NLRC5: variants seen among roughly 807,000 people sequenced by gnomAD.
NLRC5 encodes protein NLRC5.
In NLRC5, 114 loss-of-function variants were observed where a neutral mutation model predicts 206.9. The observed-to-expected ratio is 0.55, with a 90% CI of 0.47 to 0.64. NLRC5 has a LOEUF of 0.64. Among genes scored for constraint, NLRC5 ranks in the 30% least tolerant of loss-of-function variants. The probability of loss-of-function intolerance (pLI) is 0.00; values close to 1 mark genes in which losing one functional copy is unlikely to be tolerated. For synonymous variants in NLRC5, 952 were observed against 962.8 expected (o/e 0.99, Z 0.21); for missense variants, 2,008 against 2,305.5 (o/e 0.87, Z 2.64).
At chr16:57,009,806 G>T (rs886771155) in intron 1 of NLRC5, among the ~76,000 whole-genome samples, 6 of 152,280 alleles carry the variant, frequency 3.9e-5, no homozygotes, top group Admixed American at 1.3e-4. Flanking sequence ...TGCTGGGCAG[G>T]AAGTTGGCTT....
chr16:57,082,715 G>A lies in NLRC5; in HGVS notation c.*187G>A, dbSNP rs142079492. ...AACTTTTTTGGGAACCAGGAGCTGG[G>A]TCTGGACAAAGGAGTACCCTGCATT... On this transcript the variant is annotated 3_prime_UTR_variant, in exon 49 of 49. Coordinates refer to ENST00000688547, the MANE Select transcript of NLRC5 (RefSeq NM_001384950.1). The A allele has an allele frequency of 3.3e-4, 185 of 561,802 alleles. 1 individual carries two copies. The East Asian group carries it at 5.1e-3, about 16-fold the overall frequency. 34.8% of individuals were successfully genotyped at this position (561,802 alleles called of 1,614,324 possible). A position where few individuals can be genotyped will look rare whatever the true frequency, so the allele number is the denominator to read the frequency against.
At position 57,030,099 on chromosome 16, in the gene NLRC5, AG is replaced by A; in HGVS notation, c.2417+18del. 6.2e-7 allele frequency: 1 copy of A among 1,609,608 alleles called. No homozygotes were observed. The highest frequency in any genetic ancestry group is 2.2e-5 in the East Asian group (1 of 44,846). ...CTTCAGGCCAGGTGAGCAGAAGGAA[AG>A]GGATCTTGGCCTTATGGGCCTTGAG... On this transcript the variant is annotated intron_variant, in intron 10 of 48. Transcript: ENST00000688547.
intron 15 of NLRC5, among the ~76,000 whole-genome samples, chr16:57,038,092 G>A (rs4783968): frequency 0.61 from 92,376 of 151,836 alleles, 28,916 homozygotes; most frequent in Non-Finnish European, 0.69. Context: ...GTTCACCTCA[G>A]TATTGGTTAT....
intron 12 of NLRC5, 97 bp downstream of exon 12, chr16:57,033,766 C>A: frequency 8.6e-7 from 1 of 1,168,548 alleles, no homozygotes; most frequent in Non-Finnish European, 1.3e-6. Flanking sequence ...AAGGGAAAAG[C>A]AGATGAGGGA....
chr16:57,019,692 A>G (rs1471979116), intron 2 of NLRC5, among the ~76,000 whole-genome samples: 3 of 152,208 alleles, frequency 2.0e-5, no homozygotes, highest in Non-Finnish European at 4.4e-5. Context: ...GGAAGGAGCA[A>G]AGAAGAATAG....
chr16:57,055,336 C>T, intron 26 of NLRC5, 97 bp from the exon 27 acceptor site: 1 of 1,190,772 alleles, frequency 8.4e-7, no homozygotes, highest in African/African-American at 1.5e-5. Context: ...GGAGACCCAC[C>T]TGGAGCCCAG....
At chr16:57,054,963 G>A (rs772162961) in intron 25 of NLRC5, 69 bp from the exon 26 acceptor site, 36 of 1,600,128 alleles carry the variant, frequency 2.2e-5, no homozygotes, top group Non-Finnish European at 2.7e-5. Context: ...CGGAGGAGGG[G>A]TGCTGGCCCC....
chr16:57,045,522 T>A, intron 21 of NLRC5, 30 bp downstream of exon 21: 1 of 1,602,914 alleles, frequency 6.2e-7, no homozygotes, highest in Non-Finnish European at 8.5e-7. Flanking sequence ...GGTGGGGGAG[T>A]CCCCTCCCGC....
chr16:57,004,918 C>G (rs765495699), intron 1 of NLRC5, among the ~76,000 whole-genome samples: 12 of 152,160 alleles, frequency 7.9e-5, no homozygotes, highest in Non-Finnish European at 1.5e-4. Context: ...AGGTGCACCC[C>G]AGCCCTTTTC....
chr16:57,048,186 A>G (rs1196092285), intron 23 of NLRC5: 1 of 153,120 alleles, frequency 6.5e-6, no homozygotes, highest in Non-Finnish European at 1.5e-5. Context: ...ATTCTATTAT[A>G]GTAATTACCT....
At position 57,058,290 on chromosome 16, in the gene NLRC5, T is replaced by C; in HGVS notation, c.3830+142T>C. 7 of 669,564 alleles carry C rather than the reference T, an allele frequency of 1.0e-5. No individual in the cohort carries two copies. The South Asian group carries it at 1.3e-4, about 12-fold the overall frequency. The allele number at this position is 669,564 out of a possible 1,614,324, so 41.5% of individuals were successfully genotyped here. A position where few individuals can be genotyped will look rare whatever the true frequency, so the allele number is the denominator to read the frequency against. On this transcript the variant is annotated intron_variant, in intron 28 of 48. Coordinates refer to ENST00000688547, the MANE Select transcript of NLRC5 (RefSeq NM_001384950.1). ...GGAGGGCAAGGGGCAATTCTTCCCT[T>C]GCCTTCACTCCCCTGGCCTTGGGTC...
chr16:57,026,803 T>G lies in NLRC5; in HGVS notation c.1860T>G (p.Asp620Glu). 1.9e-6 allele frequency: 3 copies of G among 1,614,064 alleles called. No individual in the cohort carries two copies. The highest frequency in any genetic ancestry group is 2.5e-6 in the Non-Finnish European group (3 of 1,179,974). ...PKVVELCHCV[D>E]ETQEPELASL... Reference sequence around the variant, plus strand: ...TTGTAGAGCTGTGTCACTGTGTGGATGAGACACAGGAGCCTGAGCTGGCCA... The same window carrying G: ...TTGTAGAGCTGTGTCACTGTGTGGAGGAGACACAGGAGCCTGAGCTGGCCA... Residue 620 changes from aspartate to glutamate, a missense_variant, in exon 6 of 49, where the codon GAT (aspartate) becomes GAG (glutamate). Coordinates refer to ENST00000688547, the MANE Select transcript of NLRC5 (RefSeq NM_001384950.1).
At chr16:57,006,214 G>A (rs2058883270) in intron 1 of NLRC5, among the ~76,000 whole-genome samples, 4 of 151,910 alleles carry the variant, frequency 2.6e-5, no homozygotes, top group South Asian at 4.2e-4. Flanking sequence ...ACCCAGGCTC[G>A]TCTCAAACTC....
At position 57,077,786 on chromosome 16, in the gene NLRC5, C is replaced by T. The variant is rs768216577; in HGVS notation, c.4987C>T (p.Arg1663Cys). Residue 1663 changes from arginine to cysteine, a missense_variant, in exon 42 of 49, where the codon CGC becomes TGC. Physicochemically the swap from Arg to Cys is radical, Grantham distance 180. Coordinates refer to ENST00000688547, the MANE Select transcript of NLRC5 (RefSeq NM_001384950.1). ...GGCAGAGTCTCTCGTTCTTTGCAGG[C>T]GCCTGGAGGAGTTGATGTGAGTGTC... ...QLAESLVLCR[R>C]LEELMLGCNA... 13 of 1,603,302 alleles carry T rather than the reference C, an allele frequency of 8.1e-6. No individual in the cohort carries two copies. In the East Asian group the frequency reaches 8.9e-5, roughly 11 times the overall value.
Position 57,026,530 on chromosome 16 carries a change from C to T in NLRC5, c.1587C>T (p.Ser529=). 1 of 1,614,170 alleles carries T rather than the reference C, an allele frequency of 6.2e-7. No homozygotes were observed. The highest frequency in any genetic ancestry group is 2.2e-5 in the East Asian group (1 of 44,884). Residue 529 remains serine, a synonymous_variant, in exon 6 of 49, where the codon AGC becomes AGT. Transcript: ENST00000688547. The stretch of plus-strand genomic sequence containing the variant: ...TTGCTGCCCTGCACCTGATGGCCAG[C>T]CCCAAGGTGAACAAAGACACACTTA... The part of the protein sequence containing the change: ...EFLAALHLMA[S]PKVNKDTLTQ...
Position 57,083,154 on chromosome 16 carries a change from C to G in NLRC5, c.*626C>G, listed in dbSNP as rs569813887. On this transcript the variant is annotated 3_prime_UTR_variant, in exon 49 of 49. Coordinates refer to ENST00000688547, the MANE Select transcript of NLRC5 (RefSeq NM_001384950.1). The stretch of plus-strand genomic sequence containing the variant: ...TCAAGGGCCAGGGCTCTGGAACAAG[C>G]CAGGGACTCAGCCATTAAGTCCCCT... The G allele has an allele frequency of 6.6e-6, 1 of 152,488 alleles. No individual in the cohort carries two copies. The highest frequency in any genetic ancestry group is 2.1e-4 in the South Asian group (1 of 4,824). The allele number at this position is 152,488 out of a possible 1,614,324, so 9.4% of individuals were successfully genotyped here.
At chr16:57,067,098 A>T (rs1382648720) in intron 34 of NLRC5, among the ~76,000 whole-genome samples, 1 of 152,308 alleles carries the variant, frequency 6.6e-6, no homozygotes, top group East Asian at 1.9e-4. Context: ...TTTTGAGTGG[A>T]TGCAGCCCTG....
rs1398615629 is a variant in NLRC5 at position 57,082,593 on chromosome 16, C to T, written c.*65C>T. Reference sequence around the variant, plus strand: ...ACCCAAATGATCCACCTTTCGCCCACTGGGATAATTGACTCAGGAAAGAAG... The same window carrying T: ...ACCCAAATGATCCACCTTTCGCCCATTGGGATAATTGACTCAGGAAAGAAG... On this transcript the variant is annotated 3_prime_UTR_variant, in exon 49 of 49. Transcript: ENST00000688547. The T allele has an allele frequency of 6.4e-6, 8 of 1,243,110 alleles. No individual in the cohort carries two copies. In the East Asian group the frequency reaches 1.7e-4, roughly 26 times the overall value. The allele number at this position is 1,243,110 out of a possible 1,614,324, so 77.0% of individuals were successfully genotyped here.
intron 30 of NLRC5, 152 bp from the exon 31 acceptor site, chr16:57,061,296 G>C (rs1288700407): frequency 4.6e-6 from 3 of 648,000 alleles, no homozygotes; most frequent in African/African-American, 1.8e-5. Flanking sequence ...CCCAGAGCAG[G>C]AGCTGCATAT....
Sources: gnomAD v4.1 joint callset for allele counts (sites outside exome capture counted in the v4.1 genomes callset) on GRCh38, gnomAD v4.1.1 for gene constraint, MANE v1.5 for transcripts, NCBI Gene and HGNC (gene_info 2026-07-23, HGNC 2026-07-21) for gene names.